The following DNAJB12 variants were observed in gnomAD, a reference collection of about 807,000 sequenced individuals.
The protein encoded by DNAJB12 is DnaJ heat shock protein family (Hsp40) member B12, also known as dnaJ homolog subfamily B member 12.
DNAJB12 carries 14 observed loss-of-function variants against 40.6 expected under a neutral mutation model. That is an observed-to-expected ratio of 0.34 (90% CI 0.23 to 0.54). The LOEUF is 0.54. Ranked by LOEUF, DNAJB12 falls within the 20% of genes least tolerant of loss-of-function variation. The pLI, the probability that DNAJB12 is intolerant of heterozygous loss-of-function variation, is 0.92. For synonymous variants in DNAJB12, 181 were observed against 199.5 expected, an observed-to-expected ratio of 0.91 and a Z score of 0.78; for missense variants, 444 against 501.7, an observed-to-expected ratio of 0.89 and a Z score of 1.10.
chr10:72,345,107 G>C lies in DNAJB12; in HGVS notation c.154C>G (p.Gln52Glu). 1 of 1,612,870 alleles carries C rather than the reference G, an allele frequency of 6.2e-7. No homozygotes were observed. Residue 52 changes from glutamine (Q) to glutamate (E), a missense_variant, in exon 2 of 9, where the codon CAG becomes GAG. Gln to Glu is a conservative substitution (Grantham distance 29, BLOSUM62 2). Coordinates refer to ENST00000444643, the MANE Select transcript of DNAJB12 (RefSeq NM_017626.7). ...RVRALIESLN[Q>E]KPQTAGDQPP... The stretch of plus-strand genomic sequence containing the variant: ...TGGTCACCGGCAGTCTGTGGTTTCT[G>C]GTTGAGGGACTCAATCAGGGCTGTG...
In DNAJB12 at chr10:72,335,330, C is replaced by A; in HGVS notation, c.*30+450G>T. 2.0e-6 allele frequency: 2 copies of A among 988,756 alleles called. No homozygotes were observed. The highest frequency in any genetic ancestry group is 2.4e-6 in the Non-Finnish European group (2 of 831,896). 61.2% of individuals were successfully genotyped at this position (988,756 alleles called of 1,614,324 possible). A position where few individuals can be genotyped will look rare whatever the true frequency, so the allele number is the denominator to read the frequency against. On this transcript the variant is annotated intron_variant, in intron 8 of 8. Transcript: ENST00000444643. The surrounding 1 kb of genome is among the most constrained non-coding windows in gnomAD (Gnocchi z 4.4). ...TTGGCCCACCTATTCCCACATGGTT[C>A]TTCCTGGTATCAGGCAGGCAGTGTG... is the stretch of plus-strand genomic sequence containing the variant.
Position 72,334,566 on chromosome 10 carries a change from C to T in DNAJB12, c.*82G>A. The T allele has an allele frequency of 2.6e-6, 4 of 1,535,732 alleles. No homozygotes were observed. The highest frequency in any genetic ancestry group is 2.4e-5 in the East Asian group (1 of 40,884). On this transcript the variant is annotated 3_prime_UTR_variant, in exon 9 of 9. Coordinates refer to ENST00000444643, the MANE Select transcript of DNAJB12 (RefSeq NM_017626.7). ...TTTGTCTTTCCTCAAATATACAGTCCATCACCTTGGCTCAGTGCATGTCAC... is the reference window on the plus strand; with the variant it reads ...TTTGTCTTTCCTCAAATATACAGTCTATCACCTTGGCTCAGTGCATGTCAC...
intron 5 of DNAJB12, 36 bp downstream of exon 5, chr10:72,340,753 C>A: frequency 6.2e-7 from 1 of 1,605,740 alleles, no homozygotes; most frequent in Non-Finnish European, 8.5e-7. Flanking sequence ...GATTTGGTGC[C>A]CTTCCCGCGC....
At chr10:72,352,211 A>G (rs983226401) in intron 1 of DNAJB12, among the ~76,000 whole-genome samples, 1 of 152,214 alleles carries the variant, frequency 6.6e-6, no homozygotes, top group Admixed American at 6.5e-5. Flanking sequence ...TAACTACAGA[A>G]TAAGGTGAAA....
At chr10:72,354,715 T>TCCCCCCATCAGTTCTAATGTC (rs1564825947) in intron 1 of DNAJB12, 50 bp downstream of exon 1, 2 of 1,510,146 alleles carry the variant, frequency 1.3e-6, no homozygotes, top group African/African-American at 2.8e-5. Context: ...GTTCCCGTGT[T>TCCCCCCATCAGTTCTAATGTC]CCCCCCATCA....
chr10:72,342,857 C>T (rs1474545246), intron 3 of DNAJB12, among the ~76,000 whole-genome samples: 1 of 152,220 alleles, frequency 6.6e-6, no homozygotes, highest in Non-Finnish European at 1.5e-5. Flanking sequence ...CCAGTGGGCC[C>T]TGAAGCCAGA....
At chr10:72,352,274 C>T (rs1861953911) in intron 1 of DNAJB12, among the ~76,000 whole-genome samples, 2 of 152,118 alleles carry the variant, frequency 1.3e-5, no homozygotes, top group Admixed American at 1.3e-4. Context: ...ATTTTATTTC[C>T]CAAACTTAAT....
chr10:72,351,728 T>C (rs1286817115), intron 1 of DNAJB12, among the ~76,000 whole-genome samples: 2 of 152,240 alleles, frequency 1.3e-5, no homozygotes, highest in Non-Finnish European at 2.9e-5. Context: ...CTCCATGGTC[T>C]ATACTTTCCC....
In DNAJB12 at chr10:72,341,178, G is replaced by A. The variant is rs761136354; in HGVS notation, c.458-8C>T. 1.3e-6 allele frequency: 2 copies of A among 1,599,806 alleles called. No individual in the cohort carries two copies. The highest frequency in any genetic ancestry group is 1.1e-5 in the South Asian group (1 of 90,818). ...CATATGCTGTGCCAATGGCTGGAGA[G>A]GAGGAGGAAAGGTCAGGCCTGAGGA... On this transcript the variant is annotated splice_polypyrimidine_tract_variant and splice_region_variant and intron_variant, in intron 3 of 8. Coordinates refer to ENST00000444643, the MANE Select transcript of DNAJB12 (RefSeq NM_017626.7).
chr10:72,336,222 G>A (rs1377954057), intron 7 of DNAJB12, among the ~76,000 whole-genome samples: 1 of 152,222 alleles, frequency 6.6e-6, no homozygotes, highest in Admixed American at 6.5e-5. Context: ...ACAGTCAGGG[G>A]GTGGCCAGGG....
At chr10:72,350,926 A>G (rs1861920056) in intron 1 of DNAJB12, among the ~76,000 whole-genome samples, 1 of 151,852 alleles carries the variant, frequency 6.6e-6, no homozygotes, top group South Asian at 2.1e-4. Context: ...AACATCTCTC[A>G]CTCCTGGACT....
intron 1 of DNAJB12, among the ~76,000 whole-genome samples, chr10:72,346,148 T>TTAAA (rs1861781415): frequency 6.6e-6 from 1 of 152,074 alleles, no homozygotes; most frequent in South Asian, 2.1e-4. Context: ...AGTACTTTAT[T>TTAAA]TAGAGTTATT....
In DNAJB12 at chr10:72,335,948, C is replaced by T. The variant is rs749964180; in HGVS notation, c.1007-17G>A. ...AGCCTTCCTCTGCAAAGCAATGGGACAGGGTTAGTGCACACCCAGTACCTC... is the reference window on the plus strand; with the variant it reads ...AGCCTTCCTCTGCAAAGCAATGGGATAGGGTTAGTGCACACCCAGTACCTC... On this transcript the variant is annotated splice_polypyrimidine_tract_variant and intron_variant, in intron 7 of 8. Transcript: ENST00000444643. The surrounding 1 kb of genome is among the most constrained non-coding windows in gnomAD (Gnocchi z 4.4). 2.5e-6 allele frequency: 4 copies of T among 1,613,834 alleles called. No individual in the cohort carries two copies. In the Admixed American group the frequency reaches 5.0e-5, roughly 20 times the overall value.
chr10:72,346,042 C>T (rs1360342210), intron 1 of DNAJB12, among the ~76,000 whole-genome samples: 2 of 152,004 alleles, frequency 1.3e-5, no homozygotes, highest in Non-Finnish European at 2.9e-5. Flanking sequence ...AGATAGTATA[C>T]TTATACATAT....
Position 72,340,865 on chromosome 10 carries a change from T to C in DNAJB12, c.647A>G (p.Asn216Ser). The part of the protein sequence containing the change: ...MFFGGGFPSS[N>S]VHVYSNGRMR... ...GCGGCCGTTGCTGTAGACGTGGACG[T>C]TACCTGGGGGTCAGAGGGGCTGAGT... Residue 216 changes from asparagine (N) to serine (S), a missense_variant, in exon 5 of 9, where the codon AAC becomes AGC. Asn to Ser is a conservative substitution (Grantham distance 46, BLOSUM62 1). Transcript: ENST00000444643. 1 of 1,614,032 alleles carries C rather than the reference T, an allele frequency of 6.2e-7. No individual in the cohort carries two copies. The highest frequency in any genetic ancestry group is 8.5e-7 in the Non-Finnish European group (1 of 1,179,954).
chr10:72,345,255 G>T, intron 1 of DNAJB12, 128 bp from the exon 2 acceptor site: 1 of 1,085,388 alleles, frequency 9.2e-7, no homozygotes. Flanking sequence ...GATTAGGCCT[G>T]TGGGTGCTGG....
Position 72,335,833 on chromosome 10 carries a change from C to T in DNAJB12, c.1105G>A (p.Val369Met), listed in dbSNP as rs1171881996. 6.2e-7 allele frequency: 1 copy of T among 1,614,178 alleles called. No homozygotes were observed. Among genetic ancestry groups the T allele is most frequent in the East Asian group, 2.2e-5 (1 of 44,886 alleles). ...GACTATCCATGCAGGGAGGCCTGCACCTCTGACAGTCGGCTGCAGCTGGGG... is the reference window on the plus strand; with the variant it reads ...GACTATCCATGCAGGGAGGCCTGCATCTCTGACAGTCGGCTGCAGCTGGGG... ...GTPSCSRLSEVQASLHG is the reference protein window; with the variant it reads ...GTPSCSRLSEMQASLHG The change falls in exon 8 of 9, where the codon GTG (valine) becomes ATG (methionine). Residue 369 changes from valine to methionine, a missense_variant. Val to Met is a conservative substitution (Grantham distance 21). Transcript: ENST00000444643. The surrounding 1 kb of genome is among the most constrained non-coding windows in gnomAD (Gnocchi z 4.4).
rs1173130037 is a variant in DNAJB12 at position 72,345,040 on chromosome 10, G to A, written c.221C>T (p.Ala74Val). Reference sequence around the variant, plus strand: ...GGCCGAGGGGGCATCGGTCCCACCTGCTTTCCTGTGGGTGGCATGGGTTGT... The same window carrying A: ...GGCCGAGGGGGCATCGGTCCCACCTACTTTCCTGTGGGTGGCATGGGTTGT... ...TDTTHATHRKAGGTDAPSANG... is the reference protein window; with the variant it reads ...TDTTHATHRKVGGTDAPSANG... Residue 74 changes from alanine (A) to valine (V), a missense_variant, in exon 2 of 9, where the codon GCA becomes GTA. Transcript: ENST00000444643. 1 of 1,614,254 alleles carries A rather than the reference G, an allele frequency of 6.2e-7. No homozygotes were observed.
chr10:72,336,463 C>A (rs984664355), intron 7 of DNAJB12, 61 bp downstream of exon 7: 6 of 1,561,226 alleles, frequency 3.8e-6, no homozygotes, highest in Non-Finnish European at 5.2e-6. Flanking sequence ...CCTTCCCCTG[C>A]TTTCCAGCTT....
Sources: allele counts gnomAD v4.1 joint callset (sites outside exome capture counted in the v4.1 genomes callset), GRCh38; gene constraint gnomAD v4.1.1; non-coding constraint Gnocchi (gnomAD v3.1); transcripts MANE v1.5; gene names NCBI Gene and HGNC (gene_info 2026-07-23, HGNC 2026-07-21).